Variants in UNC13B observed in about 807,000 individuals in gnomAD.
UNC13B encodes the protein unc-13 homolog B.
In UNC13B, 144 loss-of-function variants were observed where a neutral mutation model predicts 211.0. That is an observed-to-expected ratio of 0.68 (90% CI 0.60 to 0.78). The LOEUF is 0.78. Among genes scored for constraint, UNC13B ranks in the 30% least tolerant of loss-of-function variants. The pLI, the probability that UNC13B is intolerant of heterozygous loss-of-function variation, is 0.00. For missense variants in UNC13B, 1,777 were observed against 2,002.0 expected, an observed-to-expected ratio of 0.89 and a Z score of 2.14; for synonymous variants, 709 against 725.8, an observed-to-expected ratio of 0.98 and a Z score of 0.37.
rs371478783 is a variant in UNC13B at position 35,381,654 on chromosome 9, A to G, written c.10590A>G (p.Thr3530=). Residue 3530 remains threonine, a synonymous_variant, in exon 20 of 40, where the codon ACA becomes ACG. Transcript: ENST00000635942. Reference sequence around the variant, plus strand: ...CCTGGAAGGTGTACTTTGATGAGACAGCCCAAGAAATTGTGGATGAATTTG... The same window carrying G: ...CCTGGAAGGTGTACTTTGATGAGACGGCCCAAGAAATTGTGGATGAATTTG... ...DDAWKVYFDE[T]AQEIVDEFAM... The G allele has an allele frequency of 8.9e-5, 143 of 1,614,242 alleles. 3 individuals carry two copies. The South Asian group carries it at 1.2e-3, about 13-fold the overall frequency.
chr9:35,333,964 GT>G (rs963756940), intron 11 of UNC13B, among the ~76,000 whole-genome samples: 41 of 64,510 alleles, frequency 6.4e-4, no homozygotes, highest in Admixed American at 8.2e-4. Context: ...TTTTTTGTTT[GT>G]TTTTTTTTTT....
At chr9:35,255,068 TA>T (rs1826792264) in intron 6 of UNC13B, among the ~76,000 whole-genome samples, 1 of 120,650 alleles carries the variant, frequency 8.3e-6, no homozygotes, top group Non-Finnish European at 1.6e-5. Flanking sequence ...ATATTATGTA[TA>T]ATATAATATA....
At chr9:35,323,015 A>G (rs1387980178) in intron 11 of UNC13B, among the ~76,000 whole-genome samples, 1 of 151,648 alleles carries the variant, frequency 6.6e-6, no homozygotes, top group African/African-American at 2.4e-5. Context: ...ATAGATATAT[A>G]TTTATAAATA....
chr9:35,206,045 A>T (rs1163358251), intron 1 of UNC13B, among the ~76,000 whole-genome samples: 1 of 152,074 alleles, frequency 6.6e-6, no homozygotes, highest in Non-Finnish European at 1.5e-5. Context: ...TTAGCTGGGC[A>T]TAGTGGCACA....
At chr9:35,298,872 GGAAA>G (rs1301423431) in intron 8 of UNC13B, among the ~76,000 whole-genome samples, 2 of 152,106 alleles carry the variant, frequency 1.3e-5, no homozygotes, top group African/African-American at 4.8e-5. Flanking sequence ...ATCAGTATAG[GGAAA>G]GATTTTCTTT....
At chr9:35,284,439 TATA>T (rs1828679394) in intron 7 of UNC13B, among the ~76,000 whole-genome samples, 1 of 152,210 alleles carries the variant, frequency 6.6e-6, no homozygotes, top group Non-Finnish European at 1.5e-5. Flanking sequence ...GACTTATTAA[TATA>T]ATGAATGCAT....
chr9:35,259,354 C>T (rs1827123001), intron 7 of UNC13B, among the ~76,000 whole-genome samples: 1 of 152,076 alleles, frequency 6.6e-6, no homozygotes, highest in South Asian at 2.1e-4. Flanking sequence ...TTCTTTAAGG[C>T]TCAGTTTAAA....
rs895558342 is a variant in UNC13B, at chr9:35,308,090, A to G, written c.8686A>G (p.Lys2896Glu). 2.3e-5 allele frequency: 9 copies of G among 399,186 alleles called. No homozygotes were observed. The South Asian group carries it at 5.1e-4, about 23-fold the overall frequency. The allele number at this position is 399,186 out of a possible 1,614,324, so 24.7% of individuals were successfully genotyped here. The change falls in exon 9 of 40, where the codon AAA becomes GAA. Residue 2896 changes from lysine to glutamate, a missense_variant. By Grantham distance (56) the Lys-to-Glu change is moderately conservative. Coordinates refer to ENST00000635942, the MANE Select transcript of UNC13B (RefSeq NM_001371189.2). ...ATCTGGGGCCAGTGCTCAGCCAGGT[A>G]AAGTCTACACTCAGCCCTCTGGGAC... ...QISGASAQPGKVYTQPSGTSE... is the reference protein window; with the variant it reads ...QISGASAQPGEVYTQPSGTSE...
At chr9:35,169,027 G>A (rs1211386605) in intron 1 of UNC13B, among the ~76,000 whole-genome samples, 1 of 152,094 alleles carries the variant, frequency 6.6e-6, no homozygotes, top group Non-Finnish European at 1.5e-5. Context: ...ACAGGACCAA[G>A]TTGATTTATA....
intron 2 of UNC13B, among the ~76,000 whole-genome samples, chr9:35,229,532 C>A (rs1047894792): frequency 6.6e-6 from 1 of 152,102 alleles, no homozygotes; most frequent in Non-Finnish European, 1.5e-5. Flanking sequence ...TATTTAAAAT[C>A]TTTTGAGAGG....
intron 15 of UNC13B, among the ~76,000 whole-genome samples, chr9:35,377,174 T>C (rs1275212360): frequency 6.6e-6 from 1 of 152,180 alleles, no homozygotes; most frequent in African/African-American, 2.4e-5. Context: ...GAGCCTCAAA[T>C]TGGTGCCAAT....
intron 11 of UNC13B, among the ~76,000 whole-genome samples, chr9:35,314,596 G>A (rs1316839310): frequency 6.6e-6 from 1 of 152,046 alleles, no homozygotes; most frequent in African/African-American, 2.4e-5. Context: ...TTTGATACAT[G>A]GATATGTTGC....
chr9:35,179,411 GA>G (rs1271998114), intron 1 of UNC13B, among the ~76,000 whole-genome samples: 1 of 152,094 alleles, frequency 6.6e-6, no homozygotes, highest in East Asian at 1.9e-4. Context: ...TGGTATAATG[GA>G]AAATTTGGGA....
intron 15 of UNC13B, 106 bp downstream of exon 15, chr9:35,376,353 A>G (rs1834410356): frequency 1.7e-6 from 2 of 1,145,024 alleles, no homozygotes; most frequent in African/African-American, 1.5e-5. Flanking sequence ...CCCCCAGTCC[A>G]CCTGATTCTG....
intron 7 of UNC13B, among the ~76,000 whole-genome samples, chr9:35,280,846 A>G (rs191275168): frequency 6.6e-6 from 1 of 152,358 alleles, no homozygotes; most frequent in East Asian, 1.9e-4. Context: ...ACAATTATAC[A>G]CAATTAACCA....
At chr9:35,262,086 T>C (rs567278335) in intron 7 of UNC13B, among the ~76,000 whole-genome samples, 2 of 152,160 alleles carry the variant, frequency 1.3e-5, no homozygotes, top group Non-Finnish European at 2.9e-5. Flanking sequence ...GCAACAAACA[T>C]AGGAGTGCAG....
At chr9:35,348,899 G>A (rs1346501049) in intron 11 of UNC13B, among the ~76,000 whole-genome samples, 1 of 152,122 alleles carries the variant, frequency 6.6e-6, no homozygotes, top group South Asian at 2.1e-4. Context: ...TTCCATCTTA[G>A]TTTACTAAGC....
At chr9:35,359,851 A>G (rs1429718251) in intron 11 of UNC13B, among the ~76,000 whole-genome samples, 1 of 152,084 alleles carries the variant, frequency 6.6e-6, no homozygotes, top group South Asian at 2.1e-4. Context: ...TTGTCCCTCT[A>G]CAGTCTGTTC....
In UNC13B at chr9:35,396,927, A is replaced by C; in HGVS notation, c.11522A>C (p.Lys3841Thr). 1 of 1,614,170 alleles carries C rather than the reference A, an allele frequency of 6.2e-7. No homozygotes were observed. The highest frequency in any genetic ancestry group is 1.1e-5 in the South Asian group (1 of 91,076). ...EFLRGALERD[K>T]KDGFQQTSEH... Reference sequence around the variant, plus strand: ...CTGCGTGGGGCCCTGGAACGAGATAAGAAGGATGGAGTAAGTCAGGGGCTT... The same window carrying C: ...CTGCGTGGGGCCCTGGAACGAGATACGAAGGATGGAGTAAGTCAGGGGCTT... Residue 3841 changes from lysine (K) to threonine (T), a missense_variant, in exon 28 of 40, where the codon AAG becomes ACG. By Grantham distance (78) the Lys-to-Thr change is moderately conservative. Transcript: ENST00000635942.
Sources: allele counts gnomAD v4.1 joint callset (sites outside exome capture counted in the v4.1 genomes callset), GRCh38; gene constraint gnomAD v4.1.1; transcripts MANE v1.5; gene names NCBI Gene and HGNC (gene_info 2026-07-23, HGNC 2026-07-21).